ACTN1: variants seen among roughly 807,000 people sequenced by gnomAD.
ACTN1 encodes the protein actinin alpha 1.
A neutral mutation model predicts 119.6 loss-of-function variants in ACTN1; 30 were observed. That is an observed-to-expected ratio of 0.25 (90% CI 0.19 to 0.34). The LOEUF (loss-of-function observed/expected upper bound fraction) is 0.34, where lower values mean the gene tolerates loss of function less well. Among genes scored for constraint, ACTN1 ranks in the 10% least tolerant of loss-of-function variants. ACTN1 has a pLI of 1.00. For missense variants in ACTN1, 764 were observed against 1,223.4 expected (o/e 0.62, Z 5.60); for synonymous variants, 429 against 472.6 (o/e 0.91, Z 1.20).
Position 68,885,623 on chromosome 14 carries a change from C to T in ACTN1, c.1235-48G>A. 6.3e-7 allele frequency: 1 copy of T among 1,594,472 alleles called. No individual in the cohort carries two copies. The highest frequency in any genetic ancestry group is 8.5e-7 in the Non-Finnish European group (1 of 1,172,758). On this transcript the variant is annotated intron_variant, in intron 11 of 21. Transcript: ENST00000394419. The surrounding 1 kb of genome is among the most constrained non-coding windows in gnomAD (Gnocchi z 5.6). ...GGCTGAGCTGGAGTGAGAAGCATCT[C>T]CTTGGTCCCAACCGCCCACCCCTCA...
chr14:68,940,734 T>C (rs1203733565), intron 1 of ACTN1, among the ~76,000 whole-genome samples: 1 of 151,748 alleles, frequency 6.6e-6, no homozygotes, highest in Non-Finnish European at 1.5e-5. Context: ...TTCTCCTGAA[T>C]GTGCCTTGTT....
chr14:68,892,209 T>C lies in ACTN1; in HGVS notation c.930A>G (p.Gln310=), dbSNP rs199895777. 36 of 1,614,198 alleles carry C rather than the reference T, an allele frequency of 2.2e-5. No individual in the cohort carries two copies. In the East Asian group the frequency reaches 3.6e-4, roughly 16 times the overall value. Residue 310 remains glutamine, a synonymous_variant, in exon 10 of 22, where the codon CAA becomes CAG. Coordinates refer to ENST00000394419, the MANE Select transcript of ACTN1 (RefSeq NM_001130004.2). ...AGTCCCGGAAGTCCTCCAGCTTCTGTTGCATGGCATGCATGGTGTTCTCGG... is the reference window on the plus strand; with the variant it reads ...AGTCCCGGAAGTCCTCCAGCTTCTGCTGCATGGCATGCATGGTGTTCTCGG... ...RVPENTMHAM[Q]QKLEDFRDYR...
At chr14:68,969,315 G>A (rs576111861) in intron 1 of ACTN1, among the ~76,000 whole-genome samples, 44 of 152,296 alleles carry the variant, frequency 2.9e-4, no homozygotes, top group African/African-American at 1.0e-3. Flanking sequence ...ACCAGTATCC[G>A]AGATGAAGGA....
At chr14:68,926,053 A>G (rs1259332682) in intron 1 of ACTN1, among the ~76,000 whole-genome samples, 2 of 152,206 alleles carry the variant, frequency 1.3e-5, no homozygotes, top group Non-Finnish European at 2.9e-5. Context: ...CAGTTTTAAG[A>G]CAGAGTAACC....
chr14:68,885,295 C>T lies in ACTN1; in HGVS notation c.1385+130G>A, dbSNP rs929743708. ...GATATTTGTCTCCTGCGTTGACTCC[C>T]TCCCCACCTGGGCACCCACCTGTAC... On this transcript the variant is annotated intron_variant, in intron 12 of 21. Coordinates refer to ENST00000394419, the MANE Select transcript of ACTN1 (RefSeq NM_001130004.2). The surrounding 1 kb of genome is among the most constrained non-coding windows in gnomAD (Gnocchi z 5.6). 1.6e-5 allele frequency: 20 copies of T among 1,245,906 alleles called. No homozygotes were observed. The highest frequency in any genetic ancestry group is 1.1e-4 in the African/African-American group (7 of 66,032). The allele number at this position is 1,245,906 out of a possible 1,614,324, so 77.2% of individuals were successfully genotyped here. A position where few individuals can be genotyped will look rare whatever the true frequency, so the allele number is the denominator to read the frequency against.
chr14:68,970,941 T>C (rs2036865196), intron 1 of ACTN1, among the ~76,000 whole-genome samples: 1 of 152,134 alleles, frequency 6.6e-6, no homozygotes, highest in South Asian at 2.1e-4. Flanking sequence ...GCATGTAAAA[T>C]GGGGATAAGA....
chr14:68,884,342 GT>G (rs775318422), intron 13 of ACTN1, 34 bp from the exon 14 acceptor site: 3 of 1,593,316 alleles, frequency 1.9e-6, no homozygotes, highest in Non-Finnish European at 8.6e-7. Context: ...GGTTAGTACA[GT>G]GATGTCCAGA....
At chr14:68,953,410 G>A (rs2036235811) in intron 1 of ACTN1, among the ~76,000 whole-genome samples, 2 of 152,160 alleles carry the variant, frequency 1.3e-5, no homozygotes, top group African/African-American at 4.8e-5. Context: ...TAATCAGCGT[G>A]CCCAGCACAG....
In ACTN1 at chr14:68,885,014, T is replaced by A. The variant is rs2031874435; in HGVS notation, c.1386-131A>T. On this transcript the variant is annotated intron_variant, in intron 12 of 21. Transcript: ENST00000394419. The surrounding 1 kb of genome is among the most constrained non-coding windows in gnomAD (Gnocchi z 5.6). ...CCAGGGGCGCTCCCTTCAAGAGACCTTCCAGGCACTCCTTCCACCCCTCCC... is the reference window on the plus strand; with the variant it reads ...CCAGGGGCGCTCCCTTCAAGAGACCATCCAGGCACTCCTTCCACCCCTCCC... 2.9e-6 allele frequency: 2 copies of A among 697,182 alleles called. No homozygotes were observed. Among genetic ancestry groups the A allele is most frequent in the Admixed American group, 5.0e-5 (2 of 40,130 alleles). The allele number at this position is 697,182 out of a possible 1,614,324, so 43.2% of individuals were successfully genotyped here.
intron 21 of ACTN1, 154 bp from the exon 22 acceptor site, chr14:68,875,171 TC>T: frequency 6.6e-7 from 1 of 1,522,796 alleles, no homozygotes; most frequent in Non-Finnish European, 8.8e-7. Flanking sequence ...GACGTAAATA[TC>T]CACACATGTA....
At chr14:68,935,160 G>A (rs2035428119) in intron 1 of ACTN1, among the ~76,000 whole-genome samples, 2 of 151,548 alleles carry the variant, frequency 1.3e-5, no homozygotes, top group African/African-American at 4.8e-5. Context: ...GACTAGCTGG[G>A]ATTACAGGCA....
At chr14:68,976,025 A>G (rs1053612313) in intron 1 of ACTN1, among the ~76,000 whole-genome samples, 12 of 152,324 alleles carry the variant, frequency 7.9e-5, no homozygotes, top group African/African-American at 2.9e-4. Context: ...CCTAATGGAA[A>G]TGCCACAAGA....
intron 4 of ACTN1, among the ~76,000 whole-genome samples, chr14:68,911,916 T>C (rs1454621660): frequency 6.6e-6 from 1 of 152,244 alleles, no homozygotes; most frequent in African/African-American, 2.4e-5. Context: ...CATGGCAGCC[T>C]TGGGCTTTCC....
At chr14:68,936,775 A>G (rs910310323) in intron 1 of ACTN1, 10 of 613,086 alleles carry the variant, frequency 1.6e-5, no homozygotes, top group Non-Finnish European at 3.2e-5. Context: ...GACCTCTTCC[A>G]GGAATGGCTG....
intron 11 of ACTN1, chr14:68,887,627 T>G: frequency 7.2e-7 from 1 of 1,394,004 alleles, no homozygotes; most frequent in Non-Finnish European, 9.6e-7. Flanking sequence ...AAAAAGCATT[T>G]ACACTTAAAA....
intron 1 of ACTN1, chr14:68,977,968 C>A: frequency 2.2e-6 from 1 of 456,036 alleles, no homozygotes; most frequent in South Asian, 1.5e-5. Flanking sequence ...CAGGAAGCAG[C>A]GGTAGGGTTG....
chr14:68,888,342 G>T, intron 11 of ACTN1: 1 of 288,220 alleles, frequency 3.5e-6, no homozygotes, highest in Non-Finnish European at 6.7e-6. Context: ...GCAAGGCAAC[G>T]AGGTCAATCT....
At chr14:68,958,720 C>G (rs1302850334) in intron 1 of ACTN1, among the ~76,000 whole-genome samples, 1 of 152,118 alleles carries the variant, frequency 6.6e-6, no homozygotes, top group African/African-American at 2.4e-5. Flanking sequence ...AACTGGAAAC[C>G]ACGGAAGTGT....
At chr14:68,883,163 T>A in intron 14 of ACTN1, 108 bp from the exon 15 acceptor site, 2 of 1,192,836 alleles carry the variant, frequency 1.7e-6, no homozygotes, top group Non-Finnish European at 2.4e-6. Context: ...CCAGGAGGCA[T>A]CAATTCAAAG....
Sources: allele counts gnomAD v4.1 joint callset (sites outside exome capture counted in the v4.1 genomes callset), GRCh38; gene constraint gnomAD v4.1.1; non-coding constraint Gnocchi (gnomAD v3.1); transcripts MANE v1.5; gene names NCBI Gene and HGNC (gene_info 2026-07-23, HGNC 2026-07-21).